SCN2A: variants seen among roughly 807,000 people sequenced by gnomAD.
SCN2A encodes sodium channel protein type 2 subunit alpha.
A neutral mutation model predicts 188.7 loss-of-function variants in SCN2A; 20 were observed. The observed-to-expected ratio is 0.11, with a 90% CI of 0.07 to 0.15. The LOEUF (loss-of-function observed/expected upper bound fraction) is 0.15, where lower values mean the gene tolerates loss of function less well. SCN2A is among the 10% of genes least tolerant of loss of function. SCN2A has a pLI of 1.00. For missense variants in SCN2A, 1,278 were observed against 2,445.0 expected (o/e 0.52, Z 10.07); for synonymous variants, 804 against 833.1 (o/e 0.97, Z 0.60).
chr2:165,308,610 T>C (rs772633027), intron 4 of SCN2A, 56 bp from the exon 5 acceptor site: 26 of 1,581,572 alleles, frequency 1.6e-5, no homozygotes, highest in Non-Finnish European at 2.3e-5. Context: ...CTTTAAGATA[T>C]GTACTTGTAA....
chr2:165,342,272 T>A (rs1019559070), intron 14 of SCN2A, 24 bp from the exon 15 acceptor site: 2 of 1,602,752 alleles, frequency 1.2e-6, no homozygotes, highest in African/African-American at 2.7e-5. Flanking sequence ...TTTGCTCATA[T>A]AATGAACTAC....
Position 165,390,716 on chromosome 2 carries a change from C to G in SCN2A, c.*892C>G, listed in dbSNP as rs1702093770. On this transcript the variant is annotated 3_prime_UTR_variant, in exon 27 of 27. Transcript: ENST00000375437. ...GTCATTCACAGTCCCAGCAGCATGA[C>G]TATCACATTTTTGATAAGTGTCCTT... The G allele has an allele frequency of 6.6e-6, 1 of 152,360 alleles. No individual in the cohort carries two copies. 9.4% of individuals were successfully genotyped at this position (152,360 alleles called of 1,614,324 possible).
intron 1 of SCN2A, among the ~76,000 whole-genome samples, chr2:165,254,238 T>C (rs1694220089): frequency 1.3e-5 from 2 of 151,784 alleles, no homozygotes. Context: ...GGCCCATTAA[T>C]GTCATGTATT....
At chr2:165,304,782 G>T (rs1697025934) in intron 3 of SCN2A, among the ~76,000 whole-genome samples, 1 of 152,188 alleles carries the variant, frequency 6.6e-6, no homozygotes, top group Non-Finnish European at 1.5e-5. Context: ...TCCAAATGGG[G>T]ATAATGCAAT....
At chr2:165,341,771 T>C (rs1214829805) in intron 14 of SCN2A, among the ~76,000 whole-genome samples, 3 of 152,142 alleles carry the variant, frequency 2.0e-5, no homozygotes, top group African/African-American at 7.2e-5. Flanking sequence ...TTTTAGATAA[T>C]AGAAATGGAG....
chr2:165,342,569 T>C (rs560002603), intron 15 of SCN2A, 100 bp downstream of exon 15: 2 of 1,278,318 alleles, frequency 1.6e-6, no homozygotes, highest in South Asian at 2.4e-5. Flanking sequence ...TATAATATTA[T>C]TTGAATACAC....
chr2:165,360,597 T>C (rs1248068411), intron 17 of SCN2A, among the ~76,000 whole-genome samples: 1 of 151,902 alleles, frequency 6.6e-6, no homozygotes, highest in African/African-American at 2.4e-5. Context: ...TTGCCAATGC[T>C]TTTTTTCAGA....
At chr2:165,313,066 C>G (rs944241229) in intron 8 of SCN2A, among the ~76,000 whole-genome samples, 10 of 152,210 alleles carry the variant, frequency 6.6e-5, no homozygotes, top group Admixed American at 6.5e-4. Flanking sequence ...TTCTCACATG[C>G]GAGGTGCCTG....
At chr2:165,341,977 G>A (rs906651719) in intron 14 of SCN2A, among the ~76,000 whole-genome samples, 1 of 152,124 alleles carries the variant, frequency 6.6e-6, no homozygotes, top group African/African-American at 2.4e-5. Flanking sequence ...TAATCATTTG[G>A]TAAGTTTTTG....
intron 19 of SCN2A, 114 bp from the exon 20 acceptor site, chr2:165,370,012 A>T (rs959092632): frequency 1.2e-6 from 1 of 862,952 alleles, no homozygotes; most frequent in Non-Finnish European, 1.8e-6. Context: ...GGGAAACATT[A>T]AACCTTCCAG....
At chr2:165,252,875 C>A (rs1574440652) in intron 1 of SCN2A, among the ~76,000 whole-genome samples, 1 of 152,026 alleles carries the variant, frequency 6.6e-6, no homozygotes, top group African/African-American at 2.4e-5. Flanking sequence ...GGTGTGGCTG[C>A]TTCATCTTGA....
chr2:165,251,216 A>C (rs1377304080), intron 1 of SCN2A, among the ~76,000 whole-genome samples: 1 of 152,064 alleles, frequency 6.6e-6, no homozygotes, highest in Non-Finnish European at 1.5e-5. Context: ...CCAGACAACA[A>C]CAACAAAGTG....
intron 26 of SCN2A, among the ~76,000 whole-genome samples, chr2:165,387,312 C>T (rs1574747964): frequency 6.6e-6 from 1 of 152,086 alleles, no homozygotes; most frequent in African/African-American, 2.4e-5. Flanking sequence ...AGTCTTGTAC[C>T]TGGTCATACT....
At chr2:165,276,214 G>C (rs2106113232) in intron 1 of SCN2A, among the ~76,000 whole-genome samples, 2 of 151,650 alleles carry the variant, frequency 1.3e-5, no homozygotes, top group Middle Eastern at 3.4e-3. Context: ...TCTTCAAAAT[G>C]AATGATATTT....
chr2:165,260,191 C>T (rs1269628152), intron 1 of SCN2A, among the ~76,000 whole-genome samples: 1 of 152,084 alleles, frequency 6.6e-6, no homozygotes, highest in Non-Finnish European at 1.5e-5. Flanking sequence ...GATCCGCCTG[C>T]CTCGGCCTCC....
rs1334212497 is a variant in SCN2A, at chr2:165,293,592, C to T, written c.-51-2181C>T. Reference sequence around the variant, plus strand: ...ATGGTATTATAATCTTATGCGACCACTGTCATATATGTGATCTGTCATTGA... The same window carrying T: ...ATGGTATTATAATCTTATGCGACCATTGTCATATATGTGATCTGTCATTGA... On this transcript the variant is annotated intron_variant, in intron 1 of 26. Transcript: ENST00000375437. Among the ~76,000 whole-genome samples, 3 of 152,170 alleles carry T rather than the reference C, an allele frequency of 2.0e-5. No individual in the cohort carries two copies. The East Asian group carries it at 5.8e-4, about 29-fold the overall frequency.
intron 1 of SCN2A, among the ~76,000 whole-genome samples, chr2:165,251,118 C>T (rs117865517): frequency 2.6e-5 from 4 of 152,044 alleles, no homozygotes; most frequent in East Asian, 1.9e-4. Flanking sequence ...TACAGGAAAA[C>T]GTTTCAGAAC....
At chr2:165,337,599 T>C (rs1169850396) in intron 14 of SCN2A, among the ~76,000 whole-genome samples, 1 of 152,062 alleles carries the variant, frequency 6.6e-6, no homozygotes, top group African/African-American at 2.4e-5. Context: ...AAATATTTAC[T>C]ATATACATGA....
chr2:165,315,748 C>T lies in SCN2A; in HGVS notation c.1661C>T (p.Ser554Phe), dbSNP rs764865753. 7 of 1,610,580 alleles carry T rather than the reference C, an allele frequency of 4.3e-6. No individual in the cohort carries two copies. The Admixed American group carries it at 1.0e-4, about 23-fold the overall frequency. Residue 554 changes from serine to phenylalanine, a missense_variant, in exon 11 of 27, where the codon TCT becomes TTT. Transcript: ENST00000375437. ...SRLTYEKRFS[S>F]PHQSLLSIRG... Reference sequence around the variant, plus strand: ...CTGACATATGAAAAGAGATTTTCTTCTCCACACCAGGTAAAAATATTAAAT... The same window carrying T: ...CTGACATATGAAAAGAGATTTTCTTTTCCACACCAGGTAAAAATATTAAAT...
Sources: gnomAD v4.1 joint callset for allele counts (sites outside exome capture counted in the v4.1 genomes callset) on GRCh38, gnomAD v4.1.1 for gene constraint, MANE v1.5 for transcripts, NCBI Gene and HGNC (gene_info 2026-07-23, HGNC 2026-07-21) for gene names.